CAMK4: variants seen among roughly 807,000 people sequenced by gnomAD.
CAMK4 encodes the protein calcium/calmodulin dependent protein kinase IV.
A neutral mutation model predicts 44.9 loss-of-function variants in CAMK4; 22 were observed. The ratio of observed to expected loss-of-function variants is 0.49; its 90% CI spans 0.35 to 0.70. The LOEUF (loss-of-function observed/expected upper bound fraction) is 0.70, where lower values mean the gene tolerates loss of function less well. CAMK4 is among the 30% of genes least tolerant of loss of function. CAMK4 has a pLI of 0.01. For missense variants in CAMK4, 498 were observed against 586.8 expected (o/e 0.85, Z 1.56); for synonymous variants, 218 against 215.4 (o/e 1.01, Z -0.11).
At chr5:111,376,801 T>C in intron 3 of CAMK4, 59 bp from the exon 4 acceptor site, 1 of 1,039,872 alleles carries the variant, frequency 9.6e-7, no homozygotes. Flanking sequence ...GTATTAGCTA[T>C]TTCCAAGAAA....
At chr5:111,255,611 C>G (rs1316140042) in intron 1 of CAMK4, among the ~76,000 whole-genome samples, 2 of 152,146 alleles carry the variant, frequency 1.3e-5, no homozygotes, top group African/African-American at 4.8e-5. Context: ...ATGATTTTGT[C>G]ACAACCTTAG....
chr5:111,456,103 C>G (rs1754425323), intron 7 of CAMK4, among the ~76,000 whole-genome samples: 1 of 152,002 alleles, frequency 6.6e-6, no homozygotes, highest in Non-Finnish European at 1.5e-5. Context: ...TCCATTTTGT[C>G]CTCACAAGAG....
intron 4 of CAMK4, among the ~76,000 whole-genome samples, chr5:111,393,078 T>C (rs1368577680): frequency 6.6e-6 from 1 of 152,214 alleles, no homozygotes; most frequent in Non-Finnish European, 1.5e-5. Context: ...AACTAATAAT[T>C]TATCCCCTCT....
In CAMK4 at chr5:111,491,268, T is replaced by C. The variant is rs550590932; in HGVS notation, c.*6802T>C. ...TACATATTGTTTGTGGCTGCTTTTATGTTGTCAAGGCAGAGTTGAGTACTT... is the reference window on the plus strand; with the variant it reads ...TACATATTGTTTGTGGCTGCTTTTACGTTGTCAAGGCAGAGTTGAGTACTT... On this transcript the variant is annotated 3_prime_UTR_variant, in exon 11 of 11. Coordinates refer to ENST00000282356, the MANE Select transcript of CAMK4 (RefSeq NM_001744.6). The C allele has an allele frequency of 2.0e-5, 3 of 152,262 alleles. No individual in the cohort carries two copies. The highest frequency in any genetic ancestry group is 4.4e-5 in the Non-Finnish European group (3 of 68,020). 9.4% of individuals were successfully genotyped at this position (152,262 alleles called of 1,614,324 possible). A position where few individuals can be genotyped will look rare whatever the true frequency, so the allele number is the denominator to read the frequency against.
chr5:111,394,403 C>T (rs1751920277), intron 4 of CAMK4, among the ~76,000 whole-genome samples: 4 of 152,142 alleles, frequency 2.6e-5, no homozygotes, highest in Admixed American at 2.6e-4. Flanking sequence ...GGGGGTGTTT[C>T]ATTGTATAAT....
At chr5:111,309,104 C>G (rs1748087811) in intron 1 of CAMK4, among the ~76,000 whole-genome samples, 1 of 152,202 alleles carries the variant, frequency 6.6e-6, no homozygotes, top group Admixed American at 6.5e-5. Context: ...AAAGCACACA[C>G]AAAAGAGCAA....
At chr5:111,243,594 A>G (rs1749102250) in intron 1 of CAMK4, among the ~76,000 whole-genome samples, 1 of 152,302 alleles carries the variant, frequency 6.6e-6, no homozygotes, top group South Asian at 2.1e-4. Context: ...CTAACTGGAA[A>G]TTTTACTAGC....
intron 4 of CAMK4, among the ~76,000 whole-genome samples, chr5:111,385,767 G>A (rs1751578352): frequency 1.3e-5 from 2 of 152,094 alleles, no homozygotes; most frequent in Admixed American, 1.3e-4. Flanking sequence ...AGTAGAGATG[G>A]GGTTTCACTG....
chr5:111,408,106 CAAAG>C (rs1323017515), intron 5 of CAMK4, among the ~76,000 whole-genome samples: 5 of 145,664 alleles, frequency 3.4e-5, no homozygotes, highest in Admixed American at 6.7e-5. Context: ...GAGACTCCAT[CAAAG>C]AAAGAAAGAG....
chr5:111,360,372 G>A (rs1204383440), intron 2 of CAMK4, among the ~76,000 whole-genome samples: 1 of 152,064 alleles, frequency 6.6e-6, no homozygotes, highest in African/African-American at 2.4e-5. Context: ...GTCTGCAGTA[G>A]AGACCTGGAT....
chr5:111,272,864 C>T (rs1485648199), intron 1 of CAMK4, among the ~76,000 whole-genome samples: 1 of 152,206 alleles, frequency 6.6e-6, no homozygotes, highest in East Asian at 1.9e-4. Flanking sequence ...CTAGGACTAT[C>T]GATACCCAGT....
intron 5 of CAMK4, among the ~76,000 whole-genome samples, chr5:111,413,863 A>C (rs1185630334): frequency 6.6e-6 from 1 of 152,066 alleles, no homozygotes; most frequent in Non-Finnish European, 1.5e-5. Flanking sequence ...AATATAACCC[A>C]AAAAGTTCAT....
chr5:111,235,461 G>A (rs939431654), intron 1 of CAMK4, among the ~76,000 whole-genome samples: 6 of 152,148 alleles, frequency 3.9e-5, no homozygotes, highest in African/African-American at 1.4e-4. Flanking sequence ...AGTGACTCCT[G>A]AGGGACCCTG....
chr5:111,446,523 A>T (rs908612304), intron 5 of CAMK4, among the ~76,000 whole-genome samples, 163 bp from the exon 6 acceptor site: 16 of 152,224 alleles, frequency 1.1e-4, no homozygotes, highest in African/African-American at 3.9e-4. Context: ...GTATTATTTA[A>T]TGTATACAGT....
At chr5:111,233,726 A>G (rs116014983) in intron 1 of CAMK4, among the ~76,000 whole-genome samples, 200 of 152,324 alleles carry the variant, frequency 1.3e-3, no homozygotes, top group African/African-American at 4.5e-3. Context: ...TGTGTGTTGA[A>G]TAATCCTTCT....
chr5:111,454,308 G>C (rs1176536642), intron 7 of CAMK4, among the ~76,000 whole-genome samples: 2 of 152,038 alleles, frequency 1.3e-5, no homozygotes, highest in African/African-American at 2.4e-5. Context: ...GAGAGACTGG[G>C]TGTTTATGTT....
intron 9 of CAMK4, among the ~76,000 whole-genome samples, chr5:111,480,471 T>C (rs1404497343): frequency 1.3e-5 from 2 of 152,126 alleles, no homozygotes; most frequent in Non-Finnish European, 1.5e-5. Flanking sequence ...TCCTCCTTAA[T>C]TAGATTTTAA....
At chr5:111,394,809 T>G in intron 5 of CAMK4, 27 bp downstream of exon 5, 1 of 1,393,372 alleles carries the variant, frequency 7.2e-7, no homozygotes. Flanking sequence ...AGCAATGGTG[T>G]AACTCTTAGT....
intron 7 of CAMK4, among the ~76,000 whole-genome samples, chr5:111,451,874 G>A (rs573694554): frequency 6.6e-6 from 1 of 152,252 alleles, no homozygotes; most frequent in Non-Finnish European, 1.5e-5. Context: ...ATTCCAGCCT[G>A]GGCAATAAAA....
Sources: gnomAD v4.1 joint callset for allele counts (sites outside exome capture counted in the v4.1 genomes callset) on GRCh38, gnomAD v4.1.1 for gene constraint, MANE v1.5 for transcripts, NCBI Gene and HGNC (gene_info 2026-07-23, HGNC 2026-07-21) for gene names.